The following CIBAR1 variants were observed in gnomAD, a reference collection of about 807,000 sequenced individuals.
CIBAR1 encodes the protein CBY1-interacting BAR domain-containing protein 1.
Under a neutral mutation model 44.0 loss-of-function variants are expected in CIBAR1, and 25 were observed. The observed-to-expected ratio is 0.57, with a 90% CI of 0.41 to 0.79. The LOEUF is 0.79. Ranked by LOEUF, CIBAR1 falls within the 30% of genes least tolerant of loss-of-function variation. The probability of loss-of-function intolerance (pLI) is 0.00; values close to 1 mark genes in which losing one functional copy is unlikely to be tolerated. For missense variants in CIBAR1, 278 were observed against 344.8 expected (o/e 0.81, Z 1.53); for synonymous variants, 115 against 119.0 (o/e 0.97, Z 0.22).
At chr8:93,705,217 G>A (rs1022077136) in intron 4 of CIBAR1, 6 of 432,244 alleles carry the variant, frequency 1.4e-5, no homozygotes, top group African/African-American at 2.0e-5. Flanking sequence ...GTTTTACACA[G>A]TAGACTTTGC....
Position 93,703,660 on chromosome 8 carries a change from C to T in CIBAR1, c.302C>T (p.Thr101Ile), listed in dbSNP as rs1810461100. 6.4e-7 allele frequency: 1 copy of T among 1,552,556 alleles called. No individual in the cohort carries two copies. Among genetic ancestry groups the T allele is most frequent in the Non-Finnish European group, 8.7e-7 (1 of 1,147,860 alleles). Residue 101 changes from threonine to isoleucine, a missense_variant, in exon 3 of 9, where the codon ACT becomes ATT. By Grantham distance (89) the Thr-to-Ile change is moderately conservative. Coordinates refer to ENST00000518322, the MANE Select transcript of CIBAR1 (RefSeq NM_145269.5). ...GCCAAAGTAGTTGAACCCTTGAAAA[C>T]TTATGGGACCATTGTGAAAATGAAA... Reference protein sequence around the residue: ...LEAKVVEPLKTYGTIVKMKRD... With the variant: ...LEAKVVEPLKIYGTIVKMKRD...
chr8:93,719,005 A>C (rs1286593592), intron 7 of CIBAR1, among the ~76,000 whole-genome samples: 1 of 152,052 alleles, frequency 6.6e-6, no homozygotes, highest in Non-Finnish European at 1.5e-5. Context: ...CTTGGATTAC[A>C]GGTGCCCGCC....
chr8:93,705,718 G>A (rs143368446), intron 4 of CIBAR1, among the ~76,000 whole-genome samples: 3,135 of 152,272 alleles, frequency 0.021, 99 homozygotes, highest in African/African-American at 0.071. Context: ...TTGGGAGGCC[G>A]AGGCAGGCAG....
chr8:93,723,098 A>G (rs982299037), intron 7 of CIBAR1, among the ~76,000 whole-genome samples: 2 of 152,106 alleles, frequency 1.3e-5, no homozygotes, highest in African/African-American at 2.4e-5. Context: ...CCGGATTCAC[A>G]CCATTCTCCT....
rs77709458 is a variant in CIBAR1, at chr8:93,708,350, G to A, written c.438+334G>A. On this transcript the variant is annotated intron_variant, in intron 5 of 8. Coordinates refer to ENST00000518322, the MANE Select transcript of CIBAR1 (RefSeq NM_145269.5). ...GGGCAACTTTTGTTCTAGCAGACGA[G>A]ATGCTTAAAGAGAGATACACAGTTA... Among the ~76,000 whole-genome samples the A allele has an allele frequency of 5.3e-4, 81 of 152,264 alleles. 1 individual carries two copies. In the East Asian group the frequency reaches 0.015, roughly 29 times the overall value.
chr8:93,709,748 T>C lies in CIBAR1; in HGVS notation c.439-23T>C, dbSNP rs753791006. 11 of 1,596,728 alleles carry C rather than the reference T, an allele frequency of 6.9e-6. No homozygotes were observed. The South Asian group carries it at 1.1e-4, about 16-fold the overall frequency. ...TTCTCATTTGATTTTTTTTATATCC[T>C]TGGTTGGGGAATACTTTTGTAGGCA... is the stretch of plus-strand genomic sequence containing the variant. On this transcript the variant is annotated intron_variant, in intron 5 of 8. Transcript: ENST00000518322.
At position 93,731,064 on chromosome 8, in the gene CIBAR1, G is replaced by A. The variant is rs139869902; in HGVS notation, c.*2767G>A. 0.01 allele frequency: 1,543 copies of A among 152,354 alleles called. 15 individuals carry two copies. Among genetic ancestry groups the A allele is most frequent in the South Asian group, 0.027 (131 of 4,820 alleles). 9.4% of individuals were successfully genotyped at this position (152,354 alleles called of 1,614,324 possible). A position where few individuals can be genotyped will look rare whatever the true frequency, so the allele number is the denominator to read the frequency against. On this transcript the variant is annotated 3_prime_UTR_variant, in exon 9 of 9. Transcript: ENST00000518322. ...TAGTCCCAGCTCTCAGGAGGCTGAG[G>A]CAGGAAGACAGCTTGAGCCCAGGAG...
At chr8:93,720,858 AG>A (rs1434511868) in intron 7 of CIBAR1, 1 of 152,086 alleles carries the variant, frequency 6.6e-6, no homozygotes, top group Non-Finnish European at 1.5e-5. Flanking sequence ...CAACAGAGTG[AG>A]ACTCCATCCA....
chr8:93,707,564 C>T (rs992381613), intron 4 of CIBAR1, among the ~76,000 whole-genome samples: 12 of 152,122 alleles, frequency 7.9e-5, no homozygotes, highest in Non-Finnish European at 1.8e-4. Flanking sequence ...TGAATATTCT[C>T]ATTAGCACAA....
intron 7 of CIBAR1, chr8:93,724,733 C>A (rs1811407867): frequency 9.5e-7 from 1 of 1,051,012 alleles, no homozygotes; most frequent in Non-Finnish European, 1.2e-6. Context: ...ATTTAAAGTT[C>A]AATTTAAAAA....
chr8:93,713,033 C>CCT (rs1810890403), intron 6 of CIBAR1, among the ~76,000 whole-genome samples: 1 of 128,816 alleles, frequency 7.8e-6, no homozygotes, highest in African/African-American at 2.9e-5. Flanking sequence ...CCTTTTTTTT[C>CCT]TTTTTTTTTT....
rs528284602 is a variant in CIBAR1 at position 93,726,546 on chromosome 8, A to G, written c.777+33A>G. Reference sequence around the variant, plus strand: ...AGAAACCGTACTCTAAAGGAATTTGAGCTGCTGCCTTTGGAATTGTTGAGT... The same window carrying G: ...AGAAACCGTACTCTAAAGGAATTTGGGCTGCTGCCTTTGGAATTGTTGAGT... On this transcript the variant is annotated intron_variant, in intron 8 of 8. Coordinates refer to ENST00000518322, the MANE Select transcript of CIBAR1 (RefSeq NM_145269.5). The G allele has an allele frequency of 9.3e-6, 15 of 1,609,332 alleles. No individual in the cohort carries two copies. In the East Asian group the frequency reaches 3.1e-4, roughly 34 times the overall value.
In CIBAR1 at chr8:93,729,467, A is replaced by G. The variant is rs1335472880; in HGVS notation, c.*1170A>G. ...TACTTCGGGGGAAAACAACAGAGTTATTATTTTGCTGCTTACTAAATAGCA... is the reference window on the plus strand; with the variant it reads ...TACTTCGGGGGAAAACAACAGAGTTGTTATTTTGCTGCTTACTAAATAGCA... On this transcript the variant is annotated 3_prime_UTR_variant, in exon 9 of 9. Transcript: ENST00000518322. 6.6e-6 allele frequency: 1 copy of G among 152,152 alleles called. No individual in the cohort carries two copies. The highest frequency in any genetic ancestry group is 2.4e-5 in the African/African-American group (1 of 41,446). The allele number at this position is 152,152 out of a possible 1,614,324, so 9.4% of individuals were successfully genotyped here. A position where few individuals can be genotyped will look rare whatever the true frequency, so the allele number is the denominator to read the frequency against.
intron 4 of CIBAR1, chr8:93,705,296 C>G (rs1810536304): frequency 5.1e-6 from 2 of 393,258 alleles, no homozygotes; most frequent in African/African-American, 2.1e-5. Context: ...TTTATTTTCA[C>G]ATGGTGATGA....
At chr8:93,710,704 C>T (rs1810788803) in intron 6 of CIBAR1, among the ~76,000 whole-genome samples, 1 of 151,892 alleles carries the variant, frequency 6.6e-6, no homozygotes, top group Admixed American at 6.6e-5. Context: ...CGTGATGGCA[C>T]ACACCTGTAA....
intron 4 of CIBAR1, among the ~76,000 whole-genome samples, chr8:93,706,958 A>T (rs1249184243): frequency 1.3e-5 from 2 of 152,204 alleles, no homozygotes; most frequent in African/African-American, 4.8e-5. Context: ...AGTCCCTCTG[A>T]TAGAGAGGAT....
chr8:93,723,007 A>T (rs761396252), intron 7 of CIBAR1, among the ~76,000 whole-genome samples: 6 of 151,862 alleles, frequency 4.0e-5, no homozygotes, highest in Non-Finnish European at 5.9e-5. Context: ...TTATTTATTT[A>T]TTTTTTTGAG....
chr8:93,720,616 A>G (rs544470022), intron 7 of CIBAR1, among the ~76,000 whole-genome samples: 3 of 152,230 alleles, frequency 2.0e-5, no homozygotes, highest in South Asian at 4.1e-4. Context: ...CACACCTGCA[A>G]TCCCAGCACT....
chr8:93,726,181 C>A (rs1043028650), intron 7 of CIBAR1: 4 of 417,146 alleles, frequency 9.6e-6, no homozygotes, highest in Non-Finnish European at 1.7e-5. Flanking sequence ...TGTTTAATAT[C>A]TGTCATCATC....
Sources: gnomAD v4.1 joint callset for allele counts (sites outside exome capture counted in the v4.1 genomes callset) on GRCh38, gnomAD v4.1.1 for gene constraint, MANE v1.5 for transcripts, NCBI Gene and HGNC (gene_info 2026-07-23, HGNC 2026-07-21) for gene names.